LYSMD1: variants seen among roughly 807,000 people sequenced by gnomAD.
The protein encoded by LYSMD1 is LysM domain containing 1, also known as lysM and putative peptidoglycan-binding domain-containing protein 1.
A neutral mutation model predicts 19.3 loss-of-function variants in LYSMD1; 9 were observed. That is an observed-to-expected ratio of 0.47 (90% CI 0.28 to 0.81). The LOEUF (loss-of-function observed/expected upper bound fraction) is 0.81. Ranked by LOEUF, LYSMD1 falls within the 40% of genes least tolerant of loss-of-function variation. The pLI is 0.11. For synonymous variants in LYSMD1, 111 were observed against 111.7 expected (o/e 0.99, Z 0.04); for missense variants, 262 against 279.8 (o/e 0.94, Z 0.45).
At chr1:151,153,081 T>C in the LYSMD1 span, among the ~76,000 whole-genome samples, 5 of 152,380 alleles carry the variant, frequency 3.3e-5, no homozygotes, top group African/African-American at 4.8e-5. Flanking sequence ...TACTTATCTC[T>C]AAGTCTGATT....
downstream of LYSMD1, among the ~76,000 whole-genome samples, chr1:151,158,180 G>A (rs186496711): frequency 9.9e-4 from 151 of 152,128 alleles, 2 homozygotes; most frequent in African/African-American, 3.2e-3. Context: ...AAAATTAGCC[G>A]GGCGTGGTGG....
chr1:151,161,848 T>C lies in LYSMD1; in HGVS notation c.433A>G (p.Thr145Ala). The change falls in exon 2 of 3, where the codon ACC becomes GCC. Residue 145 changes from threonine (T) to alanine (A), a missense_variant. By Grantham distance (58) the Thr-to-Ala change is moderately conservative. Transcript: ENST00000368908. ...GAGAGGTCATGGATGGGCGTGGGGG[T>C]TTCCTGGCCAGGTGTGGGGAGGACT... ...GEVLPTPGQE[T>A]PTPIHDLSAS... 6.2e-7 allele frequency: 1 copy of C among 1,613,498 alleles called. No homozygotes were observed. Among genetic ancestry groups the C allele is most frequent in the Non-Finnish European group, 8.5e-7 (1 of 1,179,858 alleles).
chr1:151,154,120 G>C, the LYSMD1 span, among the ~76,000 whole-genome samples: 2 of 152,156 alleles, frequency 1.3e-5, no homozygotes, highest in Admixed American at 1.3e-4. Context: ...ATTGACCACA[G>C]TATGTGCCAA....
chr1:151,162,614 T>G (rs888327587), intron 1 of LYSMD1, among the ~76,000 whole-genome samples: 1 of 152,208 alleles, frequency 6.6e-6, no homozygotes, highest in African/African-American at 2.4e-5. Context: ...CTATTAACAA[T>G]GTCATTAATA....
At chr1:151,152,534 T>C in the LYSMD1 span, among the ~76,000 whole-genome samples, 1 of 148,726 alleles carries the variant, frequency 6.7e-6, no homozygotes, top group Non-Finnish European at 1.5e-5. Flanking sequence ...ACCCCGTCTC[T>C]ACTAAAAATA....
Position 151,165,751 on chromosome 1 carries a change from C to G in LYSMD1, c.-493G>C. On this transcript the variant is annotated 5_prime_UTR_variant, in exon 1 of 3. Coordinates refer to ENST00000368908, the MANE Select transcript of LYSMD1 (RefSeq NM_212551.5). Reference sequence around the variant, plus strand: ...TTGCAAGAATTTGTAGTACACCTTCCACTCAGAGATCCTCAAAGGTCCGCT... The same window carrying G: ...TTGCAAGAATTTGTAGTACACCTTCGACTCAGAGATCCTCAAAGGTCCGCT... 1.3e-6 allele frequency: 2 copies of G among 1,551,720 alleles called. No homozygotes were observed. Among genetic ancestry groups the G allele is most frequent in the Non-Finnish European group, 1.7e-6 (2 of 1,146,992 alleles).
chr1:151,165,179 A>G lies in LYSMD1; in HGVS notation c.80T>C (p.Leu27Pro). The G allele has an allele frequency of 2.5e-6, 4 of 1,614,104 alleles. No individual in the cohort carries two copies. The highest frequency in any genetic ancestry group is 3.4e-6 in the Non-Finnish European group (4 of 1,180,018). Reference protein sequence around the residue: ...QGSRARSYGSLVQSACSPVRE... With the variant: ...QGSRARSYGSPVQSACSPVRE... ...CACTGGGGAGCAGGCCGATTGCACC[A>G]GGCTTCCATATGAACGAGCCCGGCT... The change falls in exon 1 of 3, where the codon CTG (leucine) becomes CCG (proline). Residue 27 changes from leucine (L) to proline (P), a missense_variant. Physicochemically the swap from Leu to Pro is moderately conservative, Grantham distance 98. Coordinates refer to ENST00000368908, the MANE Select transcript of LYSMD1 (RefSeq NM_212551.5).
chr1:151,158,605 G>A, downstream of LYSMD1: 1 of 1,217,744 alleles, frequency 8.2e-7, no homozygotes. Flanking sequence ...AACTAAAGAA[G>A]CAACAGAAAA....
chr1:151,161,641 G>A (rs1052664585), intron 2 of LYSMD1, 95 bp downstream of exon 2: 10 of 1,482,170 alleles, frequency 6.7e-6, no homozygotes, highest in Non-Finnish European at 7.3e-6. Flanking sequence ...TGCCTCTGTT[G>A]GCACTGTCCT....
chr1:151,153,558 G>A, the LYSMD1 span, among the ~76,000 whole-genome samples: 1 of 152,104 alleles, frequency 6.6e-6, no homozygotes, highest in African/African-American at 2.4e-5. Context: ...GGGAGGCTAA[G>A]GCAGGAGAAT....
chr1:151,154,307 C>T, the LYSMD1 span, among the ~76,000 whole-genome samples: 1 of 152,110 alleles, frequency 6.6e-6, no homozygotes, highest in African/African-American at 2.4e-5. Context: ...TGGCGAAACC[C>T]TGTCTCTACT....
At chr1:151,159,493 T>C (rs1332227846), downstream of LYSMD1, 7 of 471,422 alleles carry the variant, frequency 1.5e-5, no homozygotes, top group Non-Finnish European at 2.8e-5. Flanking sequence ...CAGAACTGCC[T>C]GAAAAAGGTG....
At chr1:151,159,198 C>G, downstream of LYSMD1, 1 of 1,614,208 alleles carries the variant, frequency 6.2e-7, no homozygotes, top group Admixed American at 1.7e-5. Flanking sequence ...TCACTCAGCA[C>G]CTTGGCAAGA....
intron 2 of LYSMD1, 113 bp downstream of exon 2, chr1:151,161,623 T>C: frequency 1.5e-6 from 2 of 1,354,768 alleles, no homozygotes; most frequent in Non-Finnish European, 2.0e-6. Context: ...GGGGGAAAGG[T>C]ATCACCTTGC....
At chr1:151,163,294 T>TC (rs1683518659) in intron 1 of LYSMD1, among the ~76,000 whole-genome samples, 1 of 152,078 alleles carries the variant, frequency 6.6e-6, no homozygotes, top group Admixed American at 6.6e-5. Flanking sequence ...ATAATATTAT[T>TC]CACCTCTTTA....
chr1:151,163,563 C>A (rs370475937), intron 1 of LYSMD1, among the ~76,000 whole-genome samples: 1 of 152,162 alleles, frequency 6.6e-6, no homozygotes, highest in Non-Finnish European at 1.5e-5. Context: ...AGGTCTCACT[C>A]TGTCGCCCAG....
chr1:151,163,007 TTCTCAA>T (rs1302519843), intron 1 of LYSMD1, among the ~76,000 whole-genome samples: 3 of 152,226 alleles, frequency 2.0e-5, no homozygotes, highest in Non-Finnish European at 2.9e-5. Context: ...TTCAAGGGCT[TTCTCAA>T]TCCAGCTCCC....
At chr1:151,158,012 T>A (rs1683283538), downstream of LYSMD1, among the ~76,000 whole-genome samples, 1 of 152,168 alleles carries the variant, frequency 6.6e-6, no homozygotes, top group African/African-American at 2.4e-5. Context: ...AGAGTCAGTG[T>A]CCAAAAATGG....
At chr1:151,149,729 C>T in the LYSMD1 span, among the ~76,000 whole-genome samples, 31 of 152,158 alleles carry the variant, frequency 2.0e-4, no homozygotes, top group Non-Finnish European at 4.1e-4. Flanking sequence ...CCAGCCTGGG[C>T]AACAGAGCGA....
Sources: gnomAD v4.1 joint callset for allele counts (sites outside exome capture counted in the v4.1 genomes callset) on GRCh38, gnomAD v4.1.1 for gene constraint, MANE v1.5 for transcripts, NCBI Gene and HGNC (gene_info 2026-07-23, HGNC 2026-07-21) for gene names.